INPP5D: variants seen among roughly 807,000 people sequenced by gnomAD.
INPP5D encodes the protein phosphatidylinositol 3,4,5-trisphosphate 5-phosphatase 1.
INPP5D carries 33 observed loss-of-function variants against 122.9 expected under a neutral mutation model. The ratio of observed to expected loss-of-function variants is 0.27; its 90% CI spans 0.20 to 0.36. INPP5D has a LOEUF of 0.36. Among genes scored for constraint, INPP5D ranks in the 10% least tolerant of loss-of-function variants. The pLI is 1.00. For synonymous variants in INPP5D, 584 were observed against 576.2 expected (o/e 1.01, Z -0.19); for missense variants, 1,053 against 1,412.7 (o/e 0.75, Z 4.08).
At position 233,128,416 on chromosome 2, in the gene INPP5D, T is replaced by C. The variant is rs1344646232; in HGVS notation, c.525-2092T>C. On this transcript the variant is annotated intron_variant, in intron 4 of 26. Transcript: ENST00000445964. The surrounding 1 kb of genome is among the most constrained non-coding windows in gnomAD (Gnocchi z 4.5). Reference sequence around the variant, plus strand: ...ATGATGTCAAGACCCAGAATAAATATAGAAGAACTTAAATGTAAATGTTCT... The same window carrying C: ...ATGATGTCAAGACCCAGAATAAATACAGAAGAACTTAAATGTAAATGTTCT... Among the ~76,000 whole-genome samples, 2 of 152,228 alleles carry C rather than the reference T, an allele frequency of 1.3e-5. No homozygotes were observed. The highest frequency in any genetic ancestry group is 4.8e-5 in the African/African-American group (2 of 41,456).
At chr2:233,200,804 C>G (rs1187799691) in intron 25 of INPP5D, among the ~76,000 whole-genome samples, 1 of 151,868 alleles carries the variant, frequency 6.6e-6, no homozygotes, top group Admixed American at 6.6e-5. Flanking sequence ...ACTAAAAATA[C>G]AAAAATCAGC....
intron 5 of INPP5D, chr2:233,131,161 A>T: frequency 1.0e-6 from 1 of 975,330 alleles, no homozygotes; most frequent in Non-Finnish European, 1.2e-6. Flanking sequence ...TGAATGACCA[A>T]CTGGTAAAGG....
intron 9 of INPP5D, among the ~76,000 whole-genome samples, chr2:233,149,109 T>A (rs1309505889): frequency 2.7e-5 from 4 of 149,170 alleles, no homozygotes; most frequent in African/African-American, 1.0e-4. Context: ...CCTTTTTTTT[T>A]TTTTTTTTTT....
chr2:233,198,464 T>C (rs1178668719), intron 25 of INPP5D, 88 bp downstream of exon 25: 3 of 1,488,692 alleles, frequency 2.0e-6, no homozygotes, highest in Non-Finnish European at 2.7e-6. Context: ...GGAAGCCTCA[T>C]AAGGGCCACA....
At chr2:233,125,249 C>G (rs1693123214) in intron 3 of INPP5D, among the ~76,000 whole-genome samples, 2 of 152,218 alleles carry the variant, frequency 1.3e-5, no homozygotes, top group South Asian at 4.1e-4. Context: ...AGGACAGAGG[C>G]TGGAGAGAGG....
intron 2 of INPP5D, among the ~76,000 whole-genome samples, chr2:233,094,995 G>A (rs1692098631): frequency 6.6e-6 from 1 of 152,050 alleles, no homozygotes; most frequent in African/African-American, 2.4e-5. Context: ...TTCAAATAGG[G>A]GTCAAAGAAG....
At position 233,130,645 on chromosome 2, in the gene INPP5D, A is replaced by T; in HGVS notation, c.662A>T (p.Tyr221Phe). 6.2e-7 allele frequency: 1 copy of T among 1,613,894 alleles called. No homozygotes were observed. The highest frequency in any genetic ancestry group is 1.3e-5 in the African/African-American group (1 of 75,052). ...KLTTLLCKELYGEVIRTLPSL... is the reference protein window; with the variant it reads ...KLTTLLCKELFGEVIRTLPSL... The stretch of plus-strand genomic sequence containing the variant: ...ACCACACTGCTCTGCAAGGAGCTCT[A>T]TGGGTAATGGCTGGCCCACGGGGGC... Residue 221 changes from tyrosine to phenylalanine, a missense_variant, in exon 5 of 27, where the codon TAT becomes TTT. By Grantham distance (22) the Tyr-to-Phe change is conservative. Transcript: ENST00000445964.
Position 233,206,609 on chromosome 2 carries a change from C to A in INPP5D, c.3568-97C>A, listed in dbSNP as rs190521687. ...CTTCTCAGCTACACGTTAAAGGAAG[C>A]CTGGCCTAGCCCACAGCATGCAGGG... On this transcript the variant is annotated intron_variant, in intron 26 of 26. Coordinates refer to ENST00000445964, the MANE Select transcript of INPP5D (RefSeq NM_001017915.3). This position sits in a 1 kb window ranked among gnomAD's most constrained non-coding sequence, Gnocchi z 4.0. 7.1e-6 allele frequency: 5 copies of A among 701,128 alleles called. No homozygotes were observed. In the Admixed American group the frequency reaches 1.0e-4, roughly 15 times the overall value. 43.4% of individuals were successfully genotyped at this position (701,128 alleles called of 1,614,324 possible).
chr2:233,099,548 G>T (rs1192949956), intron 2 of INPP5D, among the ~76,000 whole-genome samples: 1 of 152,178 alleles, frequency 6.6e-6, no homozygotes, highest in Non-Finnish European at 1.5e-5. Context: ...AATCACAAAT[G>T]AACCCCATAA....
intron 6 of INPP5D, chr2:233,145,836 T>C (rs1382518576): frequency 4.0e-6 from 2 of 494,516 alleles, no homozygotes; most frequent in African/African-American, 1.9e-5. Context: ...GGGAACACCA[T>C]GCAGCAGGTG....
At chr2:233,134,101 G>A (rs748041080) in intron 5 of INPP5D, 4 of 444,656 alleles carry the variant, frequency 9.0e-6, no homozygotes, top group Non-Finnish European at 1.8e-5. Flanking sequence ...GGTTCCCAGT[G>A]TGAGGGGCTG....
chr2:233,162,811 A>G (rs545232881), intron 11 of INPP5D, among the ~76,000 whole-genome samples: 2 of 152,342 alleles, frequency 1.3e-5, no homozygotes, highest in East Asian at 3.9e-4. Context: ...AGCCCGGGCC[A>G]GTGCCCCAGG....
At chr2:233,135,765 CAGAAAGTTCCTAAA>C (rs942270291) in intron 5 of INPP5D, among the ~76,000 whole-genome samples, 1 of 151,930 alleles carries the variant, frequency 6.6e-6, no homozygotes, top group African/African-American at 2.4e-5. Context: ...TCATCTTTTT[CAGAAAGTTCCTAAA>C]AATGTACCAA....
chr2:233,077,889 A>G (rs939874705), intron 1 of INPP5D, among the ~76,000 whole-genome samples: 2 of 152,104 alleles, frequency 1.3e-5, no homozygotes, highest in African/African-American at 4.8e-5. Flanking sequence ...CTAGTTAAAC[A>G]AAACATACCA....
At chr2:233,149,100 C>CT (rs556971192) in intron 9 of INPP5D, among the ~76,000 whole-genome samples, 8,981 of 105,904 alleles carry the variant, frequency 0.085, 655 homozygotes, top group East Asian at 0.33. Context: ...TGATCAGCAC[C>CT]TTTTTTTTTT....
intron 26 of INPP5D, chr2:233,205,488 A>C (rs1027448444): frequency 1.1e-4 from 17 of 151,398 alleles, no homozygotes; most frequent in African/African-American, 4.1e-4. Context: ...CAGCCTCCCG[A>C]GTGGCTGGGA....
At chr2:233,102,215 A>T (rs1298481975) in intron 2 of INPP5D, among the ~76,000 whole-genome samples, 1 of 152,182 alleles carries the variant, frequency 6.6e-6, no homozygotes, top group Non-Finnish European at 1.5e-5. Flanking sequence ...CACAAACATT[A>T]AAAAATCGGA....
intron 5 of INPP5D, among the ~76,000 whole-genome samples, chr2:233,138,912 A>ATTT (rs759201099): frequency 7.1e-6 from 1 of 140,430 alleles, no homozygotes; most frequent in Non-Finnish European, 1.6e-5. Flanking sequence ...CACCTGGCTA[A>ATTT]TTTTTTTTTT....
intron 22 of INPP5D, among the ~76,000 whole-genome samples, chr2:233,192,373 TA>T (rs2106321991): frequency 6.6e-6 from 1 of 152,336 alleles, no homozygotes; most frequent in South Asian, 2.1e-4. Flanking sequence ...ATCATCAAAA[TA>T]AAAAGGAAAA....
Sources: allele counts gnomAD v4.1 joint callset (sites outside exome capture counted in the v4.1 genomes callset), GRCh38; gene constraint gnomAD v4.1.1; non-coding constraint Gnocchi (gnomAD v3.1); transcripts MANE v1.5; gene names NCBI Gene and HGNC (gene_info 2026-07-23, HGNC 2026-07-21).